The following RNF144A variants were observed in gnomAD, a reference collection of about 807,000 sequenced individuals.
RNF144A encodes the protein E3 ubiquitin-protein ligase RNF144A.
RNF144A carries 11 observed loss-of-function variants against 38.7 expected under a neutral mutation model. That is an observed-to-expected ratio of 0.28 (90% CI 0.18 to 0.47). The LOEUF is 0.47. Ranked by LOEUF, RNF144A falls within the 20% of genes least tolerant of loss-of-function variation. The pLI is 0.99. For missense variants in RNF144A, 316 were observed against 377.2 expected, an observed-to-expected ratio of 0.84 and a Z score of 1.34; for synonymous variants, 149 against 143.9, an observed-to-expected ratio of 1.04 and a Z score of -0.25.
intron 6 of RNF144A, among the ~76,000 whole-genome samples, chr2:7,023,433 C>A (rs1671664864): frequency 6.6e-6 from 1 of 152,162 alleles, no homozygotes; most frequent in South Asian, 2.1e-4. Flanking sequence ...TCTGAAAAAG[C>A]TGCCCCGAGA....
At chr2:7,060,650 C>T (rs999106498) in intron 6 of RNF144A, among the ~76,000 whole-genome samples, 4 of 152,194 alleles carry the variant, frequency 2.6e-5, no homozygotes, top group East Asian at 3.9e-4. Flanking sequence ...CTAACCACAT[C>T]GTTGTCACCC....
intron 8 of RNF144A, 34 bp from the exon 9 acceptor site, chr2:7,039,595 T>G (rs751864330): frequency 3.1e-6 from 5 of 1,612,614 alleles, no homozygotes; most frequent in African/African-American, 1.3e-5. Flanking sequence ...AGACCAGCCC[T>G]CCTTACCTCT....
chr2:7,007,058 C>A (rs1670490559), intron 3 of RNF144A, among the ~76,000 whole-genome samples: 1 of 152,082 alleles, frequency 6.6e-6, no homozygotes, highest in South Asian at 2.1e-4. Context: ...CTGCCCCTTC[C>A]CACCTGGCAA....
At chr2:6,960,365 G>A (rs1261523730) in intron 2 of RNF144A, among the ~76,000 whole-genome samples, 2 of 152,124 alleles carry the variant, frequency 1.3e-5, no homozygotes, top group African/African-American at 4.8e-5. Flanking sequence ...AGCTGAAGGT[G>A]GCTTCTGACA....
At chr2:7,065,378 G>A (rs955665843) in intron 6 of RNF144A, among the ~76,000 whole-genome samples, 3 of 152,170 alleles carry the variant, frequency 2.0e-5, no homozygotes, top group South Asian at 2.1e-4. Context: ...TGACCATGGC[G>A]GATAGGGAGA....
At chr2:7,019,460 A>G (rs1050687768) in intron 5 of RNF144A, among the ~76,000 whole-genome samples, 26 of 152,188 alleles carry the variant, frequency 1.7e-4, no homozygotes, top group Non-Finnish European at 3.1e-4. Flanking sequence ...ATTTGCAAGG[A>G]CTTGTCATCG....
chr2:7,029,246 T>C (rs1357861046), intron 7 of RNF144A, among the ~76,000 whole-genome samples: 1 of 152,230 alleles, frequency 6.6e-6, no homozygotes, highest in Non-Finnish European at 1.5e-5. Flanking sequence ...CCTCGTCATT[T>C]CCTTCATTGA....
chr2:6,985,937 A>G (rs776297760), intron 2 of RNF144A, among the ~76,000 whole-genome samples: 45 of 152,188 alleles, frequency 3.0e-4, no homozygotes, highest in Admixed American at 5.9e-4. Context: ...GCCTCCCAAA[A>G]TGCTAGGATT....
the RNF144A span, among the ~76,000 whole-genome samples, chr2:7,076,275 T>C: frequency 6.6e-6 from 1 of 152,250 alleles, no homozygotes; most frequent in Non-Finnish European, 1.5e-5. Flanking sequence ...ACTAAAATGA[T>C]ACTGCAATTT....
intron 7 of RNF144A, among the ~76,000 whole-genome samples, chr2:7,029,808 A>G (rs1170640371): frequency 6.6e-6 from 1 of 152,132 alleles, no homozygotes; most frequent in Admixed American, 6.5e-5. Flanking sequence ...CTTCTTTCCC[A>G]CAAGCTCAGA....
chr2:6,998,252 T>C (rs978576594), intron 3 of RNF144A, among the ~76,000 whole-genome samples: 1 of 151,926 alleles, frequency 6.6e-6, no homozygotes, highest in African/African-American at 2.4e-5. Flanking sequence ...GTTTTTCGAA[T>C]GCCTGGATTA....
chr2:7,052,754 G>A (rs1248788585), intron 6 of RNF144A, among the ~76,000 whole-genome samples: 5 of 152,002 alleles, frequency 3.3e-5, no homozygotes, highest in East Asian at 3.9e-4. Context: ...GGAATCACTC[G>A]TTTACCGAGG....
At chr2:7,027,947 G>A (rs1293246222) in intron 7 of RNF144A, among the ~76,000 whole-genome samples, 5 of 136,486 alleles carry the variant, frequency 3.7e-5, no homozygotes, top group Non-Finnish European at 6.2e-5. Context: ...ACTCCGCTCC[G>A]TTGGACCCCA....
intron 6 of RNF144A, among the ~76,000 whole-genome samples, chr2:7,065,557 TATTA>T (rs1427351250): frequency 1.3e-5 from 2 of 152,250 alleles, no homozygotes; most frequent in South Asian, 2.1e-4. Context: ...TTAGGTTTAG[TATTA>T]ATTGTACACT....
chr2:7,048,424 A>G (rs1035245154), downstream of RNF144A, among the ~76,000 whole-genome samples: 4 of 152,222 alleles, frequency 2.6e-5, no homozygotes, highest in African/African-American at 9.6e-5. Flanking sequence ...CAAGAAAATT[A>G]AGGCTTAGAA....
chr2:7,050,363 C>T (rs573804651), intron 6 of RNF144A, among the ~76,000 whole-genome samples: 1 of 152,376 alleles, frequency 6.6e-6, no homozygotes, highest in African/African-American at 2.4e-5. Context: ...GCTCCTCCTT[C>T]ACCTTCTGCC....
chr2:6,961,807 G>A (rs1029045347), intron 2 of RNF144A, among the ~76,000 whole-genome samples: 3 of 152,188 alleles, frequency 2.0e-5, no homozygotes, highest in African/African-American at 7.2e-5. Flanking sequence ...TTGGCCACCT[G>A]GAAATGCTGT....
At chr2:7,039,538 G>T in intron 8 of RNF144A, 91 bp from the exon 9 acceptor site, 1 of 1,547,134 alleles carries the variant, frequency 6.5e-7, no homozygotes, top group South Asian at 1.2e-5. Flanking sequence ...ATGGATGGAT[G>T]GATGGGTAGC....
intron 1 of RNF144A, among the ~76,000 whole-genome samples, chr2:6,924,875 G>A (rs1664761695): frequency 6.6e-6 from 1 of 152,234 alleles, no homozygotes; most frequent in South Asian, 2.1e-4. Flanking sequence ...GGTCTGTGGT[G>A]CCAGTTGTGC....
Sources: gnomAD v4.1 joint callset for allele counts (sites outside exome capture counted in the v4.1 genomes callset) on GRCh38, gnomAD v4.1.1 for gene constraint, MANE v1.5 for transcripts, NCBI Gene and HGNC (gene_info 2026-07-23, HGNC 2026-07-21) for gene names.